The following MPHOSPH6 variants were observed in gnomAD, a reference collection of about 807,000 sequenced individuals.
MPHOSPH6 encodes M-phase phosphoprotein 6.
MPHOSPH6 carries 25 observed loss-of-function variants against 21.8 expected under a neutral mutation model. The observed-to-expected ratio is 1.15, with a 90% CI of 0.83 to 1.60. MPHOSPH6 has a LOEUF of 1.60. MPHOSPH6 is among the 40% of genes most tolerant of loss of function. The pLI, the probability that MPHOSPH6 is intolerant of heterozygous loss-of-function variation, is 0.00. For synonymous variants in MPHOSPH6, 84 were observed against 56.5 expected, an observed-to-expected ratio of 1.49 and a Z score of -2.18; for missense variants, 269 against 181.8, an observed-to-expected ratio of 1.48 and a Z score of -2.76.
chr16:82,164,077 C>G lies in MPHOSPH6; in HGVS notation c.164+5G>C. 1 of 1,591,704 alleles carries G rather than the reference C, an allele frequency of 6.3e-7. No homozygotes were observed. Among genetic ancestry groups the G allele is most frequent in the Non-Finnish European group, 8.6e-7 (1 of 1,162,518 alleles). ...CATCATCAGTATCAATTTTAATAAA[C>G]CTACTCTTTCTCTTTAAGCTCTGGC... is the stretch of plus-strand genomic sequence containing the variant. On this transcript the variant is annotated splice_donor_5th_base_variant and intron_variant, in intron 2 of 4. Transcript: ENST00000258169.
intron 2 of MPHOSPH6, among the ~76,000 whole-genome samples, chr16:82,157,644 T>C (rs76550339): frequency 0.12 from 17,898 of 152,180 alleles, 1,296 homozygotes; most frequent in East Asian, 0.29. Flanking sequence ...CACCCACACG[T>C]GCACACAGTT....
At chr16:82,154,559 G>A (rs1395761068) in intron 2 of MPHOSPH6, among the ~76,000 whole-genome samples, 9 of 151,582 alleles carry the variant, frequency 5.9e-5, no homozygotes, top group African/African-American at 1.5e-4. Flanking sequence ...GGATTTAAAC[G>A]AAAACATGCA....
chr16:82,154,664 A>T (rs1034908038), intron 2 of MPHOSPH6, among the ~76,000 whole-genome samples: 2 of 151,172 alleles, frequency 1.3e-5, no homozygotes, highest in African/African-American at 2.5e-5. Context: ...AAAACAATTT[A>T]AAAAAATAAA....
chr16:82,156,749 T>C (rs1354790953), intron 2 of MPHOSPH6, among the ~76,000 whole-genome samples: 1 of 152,154 alleles, frequency 6.6e-6, no homozygotes, highest in Non-Finnish European at 1.5e-5. Flanking sequence ...TGAGTATGAA[T>C]GTCATACCAG....
chr16:82,148,948 C>G, intron 4 of MPHOSPH6, 85 bp from the exon 5 acceptor site: 2 of 1,479,388 alleles, frequency 1.4e-6, no homozygotes, highest in South Asian at 2.6e-5. Context: ...ACCAAATATG[C>G]AATAAAAAAG....
At chr16:82,166,352 C>A (rs1316870166) in intron 1 of MPHOSPH6, among the ~76,000 whole-genome samples, 1 of 152,252 alleles carries the variant, frequency 6.6e-6, no homozygotes, top group African/African-American at 2.4e-5. Context: ...ACTTCCCAGT[C>A]CTTTTGCCTT....
At chr16:82,149,695 T>G (rs1906201259) in intron 3 of MPHOSPH6, among the ~76,000 whole-genome samples, 1 of 152,236 alleles carries the variant, frequency 6.6e-6, no homozygotes. Flanking sequence ...GGCATACTGC[T>G]GACACATTCC....
At chr16:82,168,718 T>C (rs554415275) in intron 1 of MPHOSPH6, among the ~76,000 whole-genome samples, 1 of 152,326 alleles carries the variant, frequency 6.6e-6, no homozygotes, top group Admixed American at 6.5e-5. Context: ...GCGATTTGTC[T>C]ACCTCAGCCT....
At chr16:82,169,089 C>T (rs1382405409) in intron 1 of MPHOSPH6, among the ~76,000 whole-genome samples, 2 of 152,208 alleles carry the variant, frequency 1.3e-5, no homozygotes, top group Non-Finnish European at 2.9e-5. Context: ...TATACGCAAA[C>T]CACTTCAATC....
At chr16:82,164,520 C>T (rs13337285) in intron 1 of MPHOSPH6, 22,668 of 221,742 alleles carry the variant, frequency 0.1, 3,033 homozygotes, top group African/African-American at 0.36. Context: ...GTTGAAATGC[C>T]CTTCTTATCC....
intron 2 of MPHOSPH6, among the ~76,000 whole-genome samples, chr16:82,157,437 A>C (rs1055858457): frequency 1.6e-4 from 24 of 152,236 alleles, no homozygotes; most frequent in African/African-American, 5.5e-4. Context: ...AGACAAAATT[A>C]ATCTACGGTT....
chr16:82,150,273 C>T (rs1330878414), intron 3 of MPHOSPH6, among the ~76,000 whole-genome samples: 2 of 152,090 alleles, frequency 1.3e-5, no homozygotes, highest in Admixed American at 1.3e-4. Context: ...GGAATGCTCG[C>T]CTATCCAAAC....
chr16:82,169,399 C>G (rs1906895980), intron 1 of MPHOSPH6, among the ~76,000 whole-genome samples: 1 of 152,196 alleles, frequency 6.6e-6, no homozygotes, highest in Non-Finnish European at 1.5e-5. Flanking sequence ...AACCTAGAGA[C>G]TACCCTGCGA....
At chr16:82,169,897 C>A (rs907040683) in intron 1 of MPHOSPH6, among the ~76,000 whole-genome samples, 4 of 152,226 alleles carry the variant, frequency 2.6e-5, no homozygotes, top group African/African-American at 9.6e-5. Context: ...CTTCTGTGTA[C>A]TCAAGCTCCC....
chr16:82,154,854 C>G (rs1906379101), intron 2 of MPHOSPH6, among the ~76,000 whole-genome samples: 1 of 152,072 alleles, frequency 6.6e-6, no homozygotes, highest in Non-Finnish European at 1.5e-5. Flanking sequence ...AAACCAAGAA[C>G]TAAGAAGAGG....
chr16:82,148,995 CTGATT>C, intron 4 of MPHOSPH6, 132 bp from the exon 5 acceptor site: 1 of 1,198,306 alleles, frequency 8.3e-7, no homozygotes, highest in Middle Eastern at 2.1e-4. Context: ...AAGAAACCAT[CTGATT>C]TAACAATTTA....
chr16:82,148,894 T>A, intron 4 of MPHOSPH6, 31 bp from the exon 5 acceptor site: 2 of 1,610,594 alleles, frequency 1.2e-6, no homozygotes, highest in Non-Finnish European at 1.7e-6. Flanking sequence ...ACACGTTTAA[T>A]TTCAAATAAA....
At chr16:82,169,480 C>G (rs1027863011) in intron 1 of MPHOSPH6, among the ~76,000 whole-genome samples, 1 of 152,218 alleles carries the variant, frequency 6.6e-6, no homozygotes, top group Non-Finnish European at 1.5e-5. Context: ...GGACTGAGTA[C>G]TTCTCTGGGT....
intron 2 of MPHOSPH6, among the ~76,000 whole-genome samples, chr16:82,156,310 C>T (rs1906426894): frequency 6.6e-6 from 1 of 152,128 alleles, no homozygotes; most frequent in Admixed American, 6.5e-5. Flanking sequence ...GATGTGCATG[C>T]TGCAATATTT....
Sources: gnomAD v4.1 joint callset for allele counts (sites outside exome capture counted in the v4.1 genomes callset) on GRCh38, gnomAD v4.1.1 for gene constraint, MANE v1.5 for transcripts, NCBI Gene and HGNC (gene_info 2026-07-23, HGNC 2026-07-21) for gene names.